PHACTR1: variants seen among roughly 807,000 people sequenced by gnomAD.
The protein encoded by PHACTR1 is phosphatase and actin regulator 1.
A neutral mutation model predicts 69.2 loss-of-function variants in PHACTR1; 16 were observed. That is an observed-to-expected ratio of 0.23 (90% CI 0.16 to 0.35). PHACTR1 has a LOEUF of 0.35. Among genes scored for constraint, PHACTR1 ranks in the 10% least tolerant of loss-of-function variants. The pLI is 1.00. For missense variants in PHACTR1, 510 were observed against 734.7 expected (o/e 0.69, Z 3.54); for synonymous variants, 312 against 284.5 (o/e 1.10, Z -0.97).
intron 8 of PHACTR1, among the ~76,000 whole-genome samples, chr6:13,218,603 G>A (rs1001198500): frequency 7.2e-5 from 11 of 151,904 alleles, no homozygotes; most frequent in African/African-American, 2.7e-4. Context: ...AACAACTTTG[G>A]GAGCCCAGGA....
chr6:12,740,742 T>C (rs1350626841), intron 3 of PHACTR1, among the ~76,000 whole-genome samples: 1 of 152,052 alleles, frequency 6.6e-6, no homozygotes, highest in East Asian at 1.9e-4. Flanking sequence ...TTTTTTTAAG[T>C]AGGCATGTAG....
At chr6:12,943,758 G>T (rs1039739219) in intron 4 of PHACTR1, among the ~76,000 whole-genome samples, 2 of 152,194 alleles carry the variant, frequency 1.3e-5, no homozygotes, top group Non-Finnish European at 2.9e-5. Flanking sequence ...CACTGTGGTT[G>T]AATTGACACC....
At chr6:12,804,078 C>A (rs1265956360) in intron 4 of PHACTR1, among the ~76,000 whole-genome samples, 2 of 152,232 alleles carry the variant, frequency 1.3e-5, no homozygotes, top group African/African-American at 4.8e-5. Flanking sequence ...TACCATTCAT[C>A]TGACCTTAGC....
rs114686935 is a variant in PHACTR1 at position 12,840,901 on chromosome 6, C to T, written c.250+91111C>T. Among the ~76,000 whole-genome samples, 1,046 of 152,316 alleles carry T rather than the reference C, an allele frequency of 6.9e-3. 17 individuals are homozygous for T. Among genetic ancestry groups the T allele is most frequent in the African/African-American group, 0.024 (998 of 41,560 alleles). ...GTTGCATTGAGCTGATAAGGACATA[C>T]TGCTACAGACTCAGCAATTGAGTTG... On this transcript the variant is annotated intron_variant, in intron 4 of 14. Transcript: ENST00000332995.
chr6:12,815,527 A>G (rs1482597722), intron 4 of PHACTR1, among the ~76,000 whole-genome samples: 1 of 152,212 alleles, frequency 6.6e-6, no homozygotes, highest in Non-Finnish European at 1.5e-5. Flanking sequence ...TGTCCTTTAG[A>G]AATGGGAAAG....
At chr6:13,273,080 C>G in intron 11 of PHACTR1, 165 bp downstream of exon 11, 1 of 1,070,648 alleles carries the variant, frequency 9.3e-7, no homozygotes. Flanking sequence ...AAGACGACCT[C>G]CCCAAAGAGA....
At chr6:13,251,743 A>T (rs1296000598) in intron 10 of PHACTR1, among the ~76,000 whole-genome samples, 1 of 152,062 alleles carries the variant, frequency 6.6e-6, no homozygotes, top group African/African-American at 2.4e-5. Context: ...GCTCTCTCTC[A>T]AGCCATTGAG....
intron 10 of PHACTR1, among the ~76,000 whole-genome samples, chr6:13,232,919 C>T (rs369115967): frequency 2.4e-4 from 36 of 152,324 alleles, no homozygotes; most frequent in African/African-American, 7.7e-4. Flanking sequence ...ACAAGGAGAG[C>T]CCCAGGTATG....
chr6:12,860,053 G>A (rs1257762720), intron 4 of PHACTR1, among the ~76,000 whole-genome samples: 1 of 151,898 alleles, frequency 6.6e-6, no homozygotes, highest in African/African-American at 2.4e-5. Flanking sequence ...TGCAGAACGT[G>A]CAGGTTTGTT....
chr6:13,077,447 G>A (rs1372545955), intron 5 of PHACTR1, among the ~76,000 whole-genome samples: 1 of 152,180 alleles, frequency 6.6e-6, no homozygotes, highest in African/African-American at 2.4e-5. Context: ...CAGAATTAGG[G>A]GAGAGGATAT....
At chr6:12,972,230 C>G (rs536595805) in intron 4 of PHACTR1, among the ~76,000 whole-genome samples, 1 of 152,266 alleles carries the variant, frequency 6.6e-6, no homozygotes, top group African/African-American at 2.4e-5. Context: ...GTGGCAGAAC[C>G]AGGATTGGAA....
chr6:12,846,672 G>A (rs1779296421), intron 4 of PHACTR1, among the ~76,000 whole-genome samples: 1 of 150,412 alleles, frequency 6.6e-6, no homozygotes, highest in South Asian at 2.1e-4. Context: ...CAGGAATTTT[G>A]GAAATATAGG....
chr6:12,733,510 C>T (rs992814524), intron 3 of PHACTR1, among the ~76,000 whole-genome samples: 1 of 152,124 alleles, frequency 6.6e-6, no homozygotes, highest in African/African-American at 2.4e-5. Context: ...CACAGCTTTC[C>T]CCTACAACAT....
chr6:13,009,073 C>A (rs890998869), intron 4 of PHACTR1, among the ~76,000 whole-genome samples: 2 of 152,144 alleles, frequency 1.3e-5, no homozygotes, highest in African/African-American at 4.8e-5. Flanking sequence ...CTCCCATCTC[C>A]GAGTCCATCT....
chr6:13,159,722 A>G (rs1185769293), intron 5 of PHACTR1, among the ~76,000 whole-genome samples: 2 of 152,242 alleles, frequency 1.3e-5, no homozygotes, highest in Non-Finnish European at 2.9e-5. Flanking sequence ...CAAGTGGATC[A>G]CGAGGTCAGG....
At chr6:13,217,945 C>G (rs1434034592) in intron 8 of PHACTR1, among the ~76,000 whole-genome samples, 1 of 152,252 alleles carries the variant, frequency 6.6e-6, no homozygotes, top group Non-Finnish European at 1.5e-5. Context: ...TCTCTCCCCT[C>G]TGAAAACTCT....
chr6:12,897,992 G>T (rs1784840101), intron 4 of PHACTR1, among the ~76,000 whole-genome samples: 1 of 152,048 alleles, frequency 6.6e-6, no homozygotes, highest in Non-Finnish European at 1.5e-5. Context: ...GTGTTAGTTT[G>T]CTGAGAATAA....
At chr6:12,751,559 C>G (rs1211396326) in intron 4 of PHACTR1, among the ~76,000 whole-genome samples, 1 of 152,218 alleles carries the variant, frequency 6.6e-6, no homozygotes, top group African/African-American at 2.4e-5. Flanking sequence ...ACTTTTATCA[C>G]AAAACAATAA....
chr6:12,749,426 A>C, intron 3 of PHACTR1: 12 of 593,260 alleles, frequency 2.0e-5, no homozygotes, highest in East Asian at 7.6e-5. Flanking sequence ...TCCTTAACGG[A>C]TTTTCTTTCT....
Sources: gnomAD v4.1 joint callset for allele counts (sites outside exome capture counted in the v4.1 genomes callset) on GRCh38, gnomAD v4.1.1 for gene constraint, MANE v1.5 for transcripts, NCBI Gene and HGNC (gene_info 2026-07-23, HGNC 2026-07-21) for gene names.